Variants in DIS3L2 observed in about 807,000 individuals in gnomAD.
DIS3L2 encodes the protein DIS3 like 3'-5' exoribonuclease 2, also known as DIS3-like exonuclease 2.
DIS3L2 carries 34 observed loss-of-function variants against 97.5 expected under a neutral mutation model. That is an observed-to-expected ratio of 0.35 (90% confidence interval 0.27 to 0.46). DIS3L2 has a LOEUF of 0.46. DIS3L2 is among the 20% of genes least tolerant of loss of function. DIS3L2 has a pLI of 1.00. For missense variants in DIS3L2, 1,038 were observed against 1,146.0 expected, an observed-to-expected ratio of 0.91 and a Z score of 1.36; for synonymous variants, 435 against 445.2, an observed-to-expected ratio of 0.98 and a Z score of 0.29.
intron 13 of DIS3L2, among the ~76,000 whole-genome samples, chr2:232,270,872 CTCTCT>C (rs1559185146): frequency 2.2e-5 from 2 of 91,196 alleles, no homozygotes; most frequent in Admixed American, 1.9e-4. Context: ...CTCTCTCTCT[CTCTCT>C]CTCTCTCTCT....
intron 14 of DIS3L2, among the ~76,000 whole-genome samples, chr2:232,323,170 G>T (rs1351179896): frequency 1.3e-5 from 2 of 152,246 alleles, no homozygotes; most frequent in Non-Finnish European, 2.9e-5. Flanking sequence ...TAATGACCAC[G>T]CTCTGCAAGA....
chr2:232,174,565 AAC>A (rs1221421106), intron 9 of DIS3L2, among the ~76,000 whole-genome samples: 1 of 136,472 alleles, frequency 7.3e-6, no homozygotes, highest in Non-Finnish European at 1.5e-5. Context: ...CAGCCAGGGT[AAC>A]AGAGTGAGAC....
Position 232,223,387 on chromosome 2 carries a change from T to G in DIS3L2, c.1204+12982T>G, listed in dbSNP as rs917367401. On this transcript the variant is annotated intron_variant, in intron 10 of 20. Transcript: ENST00000325385. The stretch of plus-strand genomic sequence containing the variant: ...GTGATTTCTCTGAAATTCTCTTTCC[T>G]CAGCTATAAAATGGTGGTTTGAACT... Among the ~76,000 whole-genome samples the G allele has an allele frequency of 2.6e-5, 4 of 152,352 alleles. No individual in the cohort carries two copies. The South Asian group carries it at 8.3e-4, about 32-fold the overall frequency.
intron 10 of DIS3L2, among the ~76,000 whole-genome samples, chr2:232,218,754 C>T (rs1692416305): frequency 6.6e-6 from 1 of 152,238 alleles, no homozygotes; most frequent in South Asian, 2.1e-4. Context: ...TAATTTCCCT[C>T]CCTCCTCACT....
rs536239013 is a variant in DIS3L2, at chr2:232,210,930, A to G, written c.1204+525A>G. On this transcript the variant is annotated intron_variant, in intron 10 of 20. Coordinates refer to ENST00000325385, the MANE Select transcript of DIS3L2 (RefSeq NM_152383.5). ...CCCAGTAGGTTTTCATCTATCCAGCAAGTTGAGAAAGGCAAACTGATAAGG... is the reference window on the plus strand; with the variant it reads ...CCCAGTAGGTTTTCATCTATCCAGCGAGTTGAGAAAGGCAAACTGATAAGG... Among the ~76,000 whole-genome samples the G allele has an allele frequency of 1.6e-3, 237 of 152,174 alleles. 1 individual carries two copies. The highest frequency in any genetic ancestry group is 5.6e-3 in the African/African-American group (231 of 41,522).
At chr2:232,185,168 G>A (rs1285885213) in intron 9 of DIS3L2, among the ~76,000 whole-genome samples, 1 of 152,120 alleles carries the variant, frequency 6.6e-6, no homozygotes, top group African/African-American at 2.4e-5. Context: ...AGTGATCATG[G>A]AATATTCACC....
At chr2:232,133,987 C>CAAAAAAAAAAA (rs60195881) in intron 7 of DIS3L2, among the ~76,000 whole-genome samples, 23,926 of 74,082 alleles carry the variant, frequency 0.32, 4,584 homozygotes, top group Non-Finnish European at 0.38. Flanking sequence ...GACTCTGTCT[C>CAAAAAAAAAAA]AAAAAAAAAA....
intron 1 of DIS3L2, among the ~76,000 whole-genome samples, chr2:231,962,405 T>A (rs1018772340): frequency 3.3e-5 from 5 of 150,514 alleles, no homozygotes; most frequent in African/African-American, 7.3e-5. Flanking sequence ...ATCTCTCCCC[T>A]CCTTCCAGTA....
At chr2:231,992,852 C>G (rs1693621258) in intron 1 of DIS3L2, among the ~76,000 whole-genome samples, 1 of 152,140 alleles carries the variant, frequency 6.6e-6, no homozygotes, top group African/African-American at 2.4e-5. Context: ...TTATATCTCC[C>G]TCTTAGGAGG....
At chr2:232,278,839 G>A (rs1369543284) in intron 13 of DIS3L2, among the ~76,000 whole-genome samples, 9 of 152,198 alleles carry the variant, frequency 5.9e-5, no homozygotes, top group East Asian at 3.9e-4. Context: ...AAGATTGCTC[G>A]GTCATATGGT....
chr2:232,205,668 A>G (rs1574944880), intron 9 of DIS3L2, among the ~76,000 whole-genome samples: 1 of 152,324 alleles, frequency 6.6e-6, no homozygotes, highest in East Asian at 1.9e-4. Flanking sequence ...AGGCACAGCC[A>G]GGATAAGGGT....
intron 9 of DIS3L2, among the ~76,000 whole-genome samples, chr2:232,188,552 C>G (rs1305086921): frequency 6.6e-6 from 1 of 152,138 alleles, no homozygotes; most frequent in African/African-American, 2.4e-5. Context: ...CGATCTAAAC[C>G]TCATGCCTTA....
chr2:232,313,533 G>A (rs963678356), intron 14 of DIS3L2, among the ~76,000 whole-genome samples: 1 of 152,092 alleles, frequency 6.6e-6, no homozygotes, highest in African/African-American at 2.4e-5. Context: ...CTGATTCCTT[G>A]GTAGAATATT....
chr2:231,993,186 G>A (rs1024150099), intron 1 of DIS3L2, among the ~76,000 whole-genome samples: 2 of 152,016 alleles, frequency 1.3e-5, no homozygotes, highest in Admixed American at 1.3e-4. Flanking sequence ...CTGTCCTGGT[G>A]CATGTAACTC....
At chr2:232,320,898 C>A (rs1472260465) in intron 14 of DIS3L2, among the ~76,000 whole-genome samples, 1 of 152,176 alleles carries the variant, frequency 6.6e-6, no homozygotes, top group African/African-American at 2.4e-5. Context: ...CAGAGAAGGA[C>A]AGTCTGGATT....
chr2:232,117,808 C>G (rs1409878303), intron 6 of DIS3L2, among the ~76,000 whole-genome samples: 1 of 152,222 alleles, frequency 6.6e-6, no homozygotes, highest in Non-Finnish European at 1.5e-5. Flanking sequence ...AAAAGGCCTC[C>G]CATTCTTCAA....
At chr2:232,064,397 C>T (rs1695796320) in intron 5 of DIS3L2, among the ~76,000 whole-genome samples, 1 of 152,108 alleles carries the variant, frequency 6.6e-6, no homozygotes, top group South Asian at 2.1e-4. Context: ...ACTAGTATTC[C>T]ATTGTATAGA....
intron 9 of DIS3L2, among the ~76,000 whole-genome samples, chr2:232,186,474 A>G (rs1370975186): frequency 6.6e-6 from 1 of 152,240 alleles, no homozygotes; most frequent in Non-Finnish European, 1.5e-5. Context: ...TCTAGAAAAC[A>G]TTTAAAGAAG....
chr2:232,184,084 C>T (rs1691368177), intron 9 of DIS3L2, among the ~76,000 whole-genome samples: 1 of 152,158 alleles, frequency 6.6e-6, no homozygotes, highest in Non-Finnish European at 1.5e-5. Flanking sequence ...AGCCATTTTT[C>T]TTGAGTAATT....
Sources: allele counts gnomAD v4.1 joint callset (sites outside exome capture counted in the v4.1 genomes callset), GRCh38; gene constraint gnomAD v4.1.1; transcripts MANE v1.5; gene names NCBI Gene and HGNC (gene_info 2026-07-23, HGNC 2026-07-21).